Variants in KCNK3 observed in about 807,000 individuals in gnomAD.
KCNK3 encodes potassium channel subfamily K member 3.
In KCNK3, 9 loss-of-function variants were observed where a neutral mutation model predicts 27.3. The ratio of observed to expected loss-of-function variants is 0.33; its 90% CI spans 0.20 to 0.57. The LOEUF (loss-of-function observed/expected upper bound fraction) is 0.57, where lower values mean the gene tolerates loss of function less well. Ranked by LOEUF, KCNK3 falls within the 20% of genes least tolerant of loss-of-function variation. The pLI, the probability that KCNK3 is intolerant of heterozygous loss-of-function variation, is 0.87. For synonymous variants in KCNK3, 278 were observed against 273.8 expected, an observed-to-expected ratio of 1.02 and a Z score of -0.15; for missense variants, 391 against 577.7, an observed-to-expected ratio of 0.68 and a Z score of 3.31.
rs1044568071 is a variant in KCNK3, at chr2:26,731,217, C to T, written c.*2649C>T. The T allele has an allele frequency of 3.9e-5, 6 of 152,334 alleles. No homozygotes were observed. Among genetic ancestry groups the T allele is most frequent in the Admixed American group, 3.3e-4 (5 of 15,286 alleles). The allele number at this position is 152,334 out of a possible 1,614,324, so 9.4% of individuals were successfully genotyped here. A position where few individuals can be genotyped will look rare whatever the true frequency, so the allele number is the denominator to read the frequency against. On this transcript the variant is annotated 3_prime_UTR_variant, in exon 2 of 2. Coordinates refer to ENST00000302909, the MANE Select transcript of KCNK3 (RefSeq NM_002246.3). The stretch of plus-strand genomic sequence containing the variant: ...GACCAGGCTCAGGCTCCAGCTGCCT[C>T]TGTCATCGTATGCCCTTGCTGCTGC...
At chr2:26,714,031 G>A (rs576083172) in intron 1 of KCNK3, among the ~76,000 whole-genome samples, 11 of 151,232 alleles carry the variant, frequency 7.3e-5, no homozygotes, top group Non-Finnish European at 1.5e-4. Flanking sequence ...AGCCGAGATC[G>A]CGCCATTGCA....
At chr2:26,712,419 A>G (rs985909820) in intron 1 of KCNK3, among the ~76,000 whole-genome samples, 2 of 152,066 alleles carry the variant, frequency 1.3e-5, no homozygotes, top group African/African-American at 2.4e-5. Flanking sequence ...AGCCTCCTAG[A>G]AGAGTCTGTG....
At chr2:26,711,042 G>T (rs895627227) in intron 1 of KCNK3, among the ~76,000 whole-genome samples, 6 of 152,210 alleles carry the variant, frequency 3.9e-5, no homozygotes, top group African/African-American at 1.4e-4. Context: ...CCCGCCCTGA[G>T]TGCCGGAGCT....
Position 26,728,375 on chromosome 2 carries a change from G to A in KCNK3, c.992G>A (p.Arg331Gln), listed in dbSNP as rs1663470095. Residue 331 changes from arginine to glutamine, a missense_variant, in exon 2 of 2, where the codon CGG (arginine) becomes CAG (glutamine). This residue lies in a region of KCNK3 where 192 missense variants were observed against 196.0 expected (regional missense o/e 0.98). Coordinates refer to ENST00000302909, the MANE Select transcript of KCNK3 (RefSeq NM_002246.3). ...LQYSIPMIIP[R>Q]DLSTSDTCVE... Reference sequence around the variant, plus strand: ...TACTCCATCCCCATGATCATCCCGCGGGACCTCTCCACGTCCGACACGTGC... The same window carrying A: ...TACTCCATCCCCATGATCATCCCGCAGGACCTCTCCACGTCCGACACGTGC... 2.5e-6 allele frequency: 4 copies of A among 1,607,780 alleles called. No homozygotes were observed. In the Admixed American group the frequency reaches 5.0e-5, roughly 20 times the overall value.
At chr2:26,710,404 A>G (rs1663089266) in intron 1 of KCNK3, among the ~76,000 whole-genome samples, 1 of 152,192 alleles carries the variant, frequency 6.6e-6, no homozygotes, top group South Asian at 2.1e-4. Context: ...GGTGCAGATG[A>G]AGAGCAGTGG....
Position 26,701,419 on chromosome 2 carries a change from G to C in KCNK3, c.283+8261G>C, listed in dbSNP as rs1408653104. On this transcript the variant is annotated intron_variant, in intron 1 of 1. Transcript: ENST00000302909. ...AAAGGGAGGAGAGAAGTGGAGAAGG[G>C]CTTGCCCCATGAGGAGGCCAGGGAA... is the stretch of plus-strand genomic sequence containing the variant. Among the ~76,000 whole-genome samples, 6 of 152,216 alleles carry C rather than the reference G, an allele frequency of 3.9e-5. No individual in the cohort carries two copies. The East Asian group carries it at 7.7e-4, about 20-fold the overall frequency.
intron 1 of KCNK3, among the ~76,000 whole-genome samples, chr2:26,705,431 T>C (rs1670360568): frequency 6.6e-6 from 1 of 152,116 alleles, no homozygotes; most frequent in Non-Finnish European, 1.5e-5. Context: ...GGCATCATTA[T>C]TCCTACTTTG....
At chr2:26,725,400 G>A (rs1276365085) in intron 1 of KCNK3, among the ~76,000 whole-genome samples, 1 of 152,172 alleles carries the variant, frequency 6.6e-6, no homozygotes, top group Non-Finnish European at 1.5e-5. Context: ...CCAGAGAGGG[G>A]TAGGGATTTG....
At chr2:26,702,272 G>A (rs1223670079) in intron 1 of KCNK3, among the ~76,000 whole-genome samples, 2 of 152,210 alleles carry the variant, frequency 1.3e-5, no homozygotes, top group Admixed American at 1.3e-4. Context: ...TCACCCTGCT[G>A]CAGGCTACAG....
chr2:26,693,296 G>A lies in KCNK3; in HGVS notation c.283+138G>A. The A allele has an allele frequency of 1.2e-6, 1 of 857,066 alleles. No homozygotes were observed. 53.1% of individuals were successfully genotyped at this position (857,066 alleles called of 1,614,324 possible). On this transcript the variant is annotated intron_variant, in intron 1 of 1. Coordinates refer to ENST00000302909, the MANE Select transcript of KCNK3 (RefSeq NM_002246.3). This position sits in a 1 kb window ranked among gnomAD's most constrained non-coding sequence, Gnocchi z 5.5. Reference sequence around the variant, plus strand: ...CCGAACCCTGCGCTCGCAGAAACCCGAGTTCAGCCTGGCGTGTGTGCTCCG... The same window carrying A: ...CCGAACCCTGCGCTCGCAGAAACCCAAGTTCAGCCTGGCGTGTGTGCTCCG...
chr2:26,699,193 AG>A (rs11340258), intron 1 of KCNK3, among the ~76,000 whole-genome samples: 12,933 of 109,292 alleles, frequency 0.12, 2,457 homozygotes, highest in African/African-American at 0.39. Context: ...AAAAAAAAAA[AG>A]GAAGGAAAGA....
At chr2:26,712,106 G>A (rs1201484142) in intron 1 of KCNK3, among the ~76,000 whole-genome samples, 2 of 152,202 alleles carry the variant, frequency 1.3e-5, no homozygotes, top group African/African-American at 2.4e-5. Flanking sequence ...AACAGTGGGT[G>A]CAGAGAAGCT....
chr2:26,698,656 G>C (rs974491245), intron 1 of KCNK3, among the ~76,000 whole-genome samples: 2 of 152,150 alleles, frequency 1.3e-5, no homozygotes, highest in South Asian at 2.1e-4. Flanking sequence ...CCTAACAGGT[G>C]GGAACAGTGA....
chr2:26,712,803 C>G (rs1255607672), intron 1 of KCNK3, among the ~76,000 whole-genome samples: 1 of 152,090 alleles, frequency 6.6e-6, no homozygotes, highest in Non-Finnish European at 1.5e-5. Flanking sequence ...GCTGAAGTCC[C>G]TGTTGCCTGG....
chr2:26,701,197 C>T (rs1043183177), intron 1 of KCNK3, among the ~76,000 whole-genome samples: 8 of 152,160 alleles, frequency 5.3e-5, no homozygotes, highest in South Asian at 2.1e-4. Context: ...AGAAAAAGAA[C>T]GTCTGCAGCT....
chr2:26,714,898 T>TAAATAAAC (rs1572609956), intron 1 of KCNK3, among the ~76,000 whole-genome samples: 1 of 151,174 alleles, frequency 6.6e-6, no homozygotes, highest in East Asian at 1.9e-4. Context: ...AATAAATAAA[T>TAAATAAAC]AAATAAATAA....
At chr2:26,712,018 C>T (rs1228481001) in intron 1 of KCNK3, among the ~76,000 whole-genome samples, 2 of 152,132 alleles carry the variant, frequency 1.3e-5, no homozygotes, top group African/African-American at 2.4e-5. Context: ...CAGGCAGCCT[C>T]TATAGATCAC....
intron 1 of KCNK3, among the ~76,000 whole-genome samples, chr2:26,716,960 G>A (rs1663244962): frequency 6.6e-6 from 1 of 152,292 alleles, no homozygotes; most frequent in East Asian, 1.9e-4. Context: ...AGTTTTATTG[G>A]AACACTAAAT....
In KCNK3 at chr2:26,693,203, G is replaced by C. The variant is rs1670191945; in HGVS notation, c.283+45G>C. On this transcript the variant is annotated intron_variant, in intron 1 of 1. Coordinates refer to ENST00000302909, the MANE Select transcript of KCNK3 (RefSeq NM_002246.3). The surrounding 1 kb of genome is among the most constrained non-coding windows in gnomAD (Gnocchi z 5.5). ...GGGGCGGGAACCCAGGGCTGGGCGCGGGGCTCCGGGAGTCGTCCGGGGCCG... is the reference window on the plus strand; with the variant it reads ...GGGGCGGGAACCCAGGGCTGGGCGCCGGGCTCCGGGAGTCGTCCGGGGCCG... 1 of 1,418,982 alleles carries C rather than the reference G, an allele frequency of 7.0e-7. No homozygotes were observed. Among genetic ancestry groups the C allele is most frequent in the Non-Finnish European group, 9.4e-7 (1 of 1,068,936 alleles). The allele number at this position is 1,418,982 out of a possible 1,614,324, so 87.9% of individuals were successfully genotyped here.
Sources: gnomAD v4.1 joint callset for allele counts (sites outside exome capture counted in the v4.1 genomes callset) on GRCh38, gnomAD v4.1.1 for gene constraint, gnomAD v4.1.1 regional missense constraint, Gnocchi (gnomAD v3.1) non-coding constraint, MANE v1.5 for transcripts, NCBI Gene and HGNC (gene_info 2026-07-23, HGNC 2026-07-21) for gene names.